Variants in NCALD observed in about 807,000 individuals in gnomAD.
The protein encoded by NCALD is neurocalcin delta.
Under a neutral mutation model 18.6 loss-of-function variants are expected in NCALD, and 10 were observed. The observed-to-expected ratio is 0.54, with a 90% confidence interval of 0.33 to 0.91. The LOEUF (loss-of-function observed/expected upper bound fraction) is 0.91. Ranked by LOEUF, NCALD falls within the 40% of genes least tolerant of loss-of-function variation. NCALD has a pLI of 0.03. For missense variants in NCALD, 184 were observed against 247.6 expected (o/e 0.74, Z 1.72); for synonymous variants, 88 against 87.4 (o/e 1.01, Z -0.04).
chr8:101,987,019 C>T (rs561521316), intron 2 of NCALD, among the ~76,000 whole-genome samples: 4 of 152,156 alleles, frequency 2.6e-5, no homozygotes, highest in Non-Finnish European at 5.9e-5. Context: ...GCCACCTACA[C>T]AGAGGGTTTA....
chr8:102,033,854 A>G (rs1822767044), intron 1 of NCALD, among the ~76,000 whole-genome samples: 1 of 152,186 alleles, frequency 6.6e-6, no homozygotes, highest in African/African-American at 2.4e-5. Context: ...AAAGATTTGC[A>G]TCAGCCCTTC....
At chr8:101,980,012 GCT>G (rs1306773027) in intron 2 of NCALD, among the ~76,000 whole-genome samples, 1 of 152,168 alleles carries the variant, frequency 6.6e-6, no homozygotes, top group African/African-American at 2.4e-5. Flanking sequence ...AGGCTTGGCA[GCT>G]CTGAGGGGCA....
chr8:102,018,690 C>T (rs1440073061), intron 2 of NCALD, among the ~76,000 whole-genome samples: 3 of 152,092 alleles, frequency 2.0e-5, no homozygotes, highest in Non-Finnish European at 4.4e-5. Flanking sequence ...TTTCAAAATG[C>T]ATCAAACCAT....
intron 1 of NCALD, among the ~76,000 whole-genome samples, chr8:101,763,050 C>T (rs888593416): frequency 6.6e-6 from 1 of 152,196 alleles, no homozygotes; most frequent in African/African-American, 2.4e-5. Flanking sequence ...TTTATCTCTA[C>T]AATGGCAATT....
chr8:101,943,988 A>C (rs201988182), intron 2 of NCALD, among the ~76,000 whole-genome samples: 1 of 148,730 alleles, frequency 6.7e-6, no homozygotes, highest in South Asian at 2.2e-4. Flanking sequence ...ACAAAAAAAA[A>C]CAGAAAAAAA....
At chr8:102,056,296 A>G (rs1363907602) in intron 1 of NCALD, among the ~76,000 whole-genome samples, 2 of 152,110 alleles carry the variant, frequency 1.3e-5, no homozygotes, top group Admixed American at 1.3e-4. Flanking sequence ...CTTTAGGGAG[A>G]AGCAAACTCG....
intron 1 of NCALD, among the ~76,000 whole-genome samples, chr8:101,771,485 A>G (rs567303000): frequency 6.6e-6 from 1 of 152,370 alleles, no homozygotes; most frequent in Non-Finnish European, 1.5e-5. Flanking sequence ...GTCTGTGGTT[A>G]TAAAACATGC....
intron 4 of NCALD, among the ~76,000 whole-genome samples, chr8:101,841,323 C>T (rs1262815184): frequency 1.3e-5 from 2 of 152,154 alleles, no homozygotes; most frequent in South Asian, 2.1e-4. Context: ...TTTTTCCATC[C>T]ATGACAAACA....
intron 1 of NCALD, among the ~76,000 whole-genome samples, chr8:102,074,302 A>C (rs776370426): frequency 6.6e-6 from 1 of 152,206 alleles, no homozygotes; most frequent in Non-Finnish European, 1.5e-5. Context: ...AAGTGGTACA[A>C]AGGCAGAGGG....
intron 2 of NCALD, among the ~76,000 whole-genome samples, chr8:101,966,363 C>T (rs531353513): frequency 7.0e-4 from 106 of 151,858 alleles, no homozygotes; most frequent in South Asian, 5.2e-3. Flanking sequence ...CCATCATTCT[C>T]AGCAAACTAT....
Position 101,786,861 on chromosome 8 carries a change from A to G in NCALD, c.-20+4001T>C, listed in dbSNP as rs1047579555. On this transcript the variant is annotated intron_variant, in intron 1 of 3. Transcript: ENST00000220931. ...GTGACCTGAGAATATTCTGGTTTAC[A>G]TTAATGTAAACTAAATTTTAAAGGG... Among the ~76,000 whole-genome samples, 43 of 152,194 alleles carry G rather than the reference A, an allele frequency of 2.8e-4. 1 individual carries two copies. Among genetic ancestry groups the G allele is most frequent in the Admixed American group, 1.3e-4 (2 of 15,268 alleles).
intron 2 of NCALD, among the ~76,000 whole-genome samples, chr8:101,992,173 T>G (rs905123365): frequency 4.6e-5 from 7 of 152,082 alleles, no homozygotes; most frequent in African/African-American, 7.2e-5. Context: ...GATGGATGGG[T>G]GGATAGATGT....
intron 1 of NCALD, among the ~76,000 whole-genome samples, chr8:101,741,061 A>G (rs893239038): frequency 6.6e-6 from 1 of 152,228 alleles, no homozygotes; most frequent in South Asian, 2.1e-4. Flanking sequence ...ATTTTCCTGG[A>G]CTATCACTAT....
intron 1 of NCALD, among the ~76,000 whole-genome samples, chr8:102,050,762 TATA>T (rs1412993072): frequency 6.8e-6 from 1 of 146,688 alleles, no homozygotes; most frequent in Non-Finnish European, 1.5e-5. Flanking sequence ...TATATAAATA[TATA>T]ATTTTATTTT....
At chr8:101,953,860 C>T (rs927451432) in intron 2 of NCALD, among the ~76,000 whole-genome samples, 2 of 152,200 alleles carry the variant, frequency 1.3e-5, no homozygotes, top group African/African-American at 2.4e-5. Context: ...GTGCAGGTGG[C>T]CTGTGGGCTT....
intron 4 of NCALD, among the ~76,000 whole-genome samples, chr8:101,815,357 A>G (rs1325801292): frequency 6.6e-6 from 1 of 152,134 alleles, no homozygotes; most frequent in Non-Finnish European, 1.5e-5. Flanking sequence ...AAGGCAATAC[A>G]ATAGAGCACA....
At chr8:101,903,936 A>C (rs1386518903) in intron 3 of NCALD, among the ~76,000 whole-genome samples, 1 of 152,128 alleles carries the variant, frequency 6.6e-6, no homozygotes, top group Admixed American at 6.5e-5. Flanking sequence ...CACATGACAC[A>C]ATCTGCAGAC....
intron 1 of NCALD, among the ~76,000 whole-genome samples, chr8:102,103,771 A>G (rs9642976): frequency 0.15 from 22,230 of 152,218 alleles, 1,686 homozygotes; most frequent in Admixed American, 0.18. Flanking sequence ...AGAAATAACA[A>G]TTGTTAAATA....
At chr8:101,745,223 A>C (rs1215263517) in intron 1 of NCALD, among the ~76,000 whole-genome samples, 1 of 152,226 alleles carries the variant, frequency 6.6e-6, no homozygotes, top group African/African-American at 2.4e-5. Flanking sequence ...TAATAGAGCC[A>C]CTTTACCATT....
Sources: gnomAD v4.1 joint callset for allele counts (sites outside exome capture counted in the v4.1 genomes callset) on GRCh38, gnomAD v4.1.1 for gene constraint, MANE v1.5 for transcripts, NCBI Gene and HGNC (gene_info 2026-07-23, HGNC 2026-07-21) for gene names.